The following GPATCH2 variants were observed in gnomAD, a reference collection of about 807,000 sequenced individuals.
GPATCH2 encodes the protein G patch domain-containing protein 2.
GPATCH2 carries 51 observed loss-of-function variants against 58.0 expected under a neutral mutation model. That is an observed-to-expected ratio of 0.88 (90% CI 0.70 to 1.11). The LOEUF (loss-of-function observed/expected upper bound fraction) is 1.11, where lower values mean the gene tolerates loss of function less well. Ranked by LOEUF, GPATCH2 falls within the 50% of genes most tolerant of loss-of-function variation. GPATCH2 has a pLI of 0.00. For synonymous variants in GPATCH2, 222 were observed against 218.5 expected, an observed-to-expected ratio of 1.02 and a Z score of -0.14; for missense variants, 625 against 652.2, an observed-to-expected ratio of 0.96 and a Z score of 0.45.
chr1:217,446,013 G>C (rs1288171083), intron 9 of GPATCH2, among the ~76,000 whole-genome samples: 1 of 151,884 alleles, frequency 6.6e-6, no homozygotes, highest in Non-Finnish European at 1.5e-5. Flanking sequence ...TGGATTTAAA[G>C]TGCCTAATTA....
At chr1:217,499,948 A>G (rs11117876) in intron 6 of GPATCH2, among the ~76,000 whole-genome samples, 96,260 of 151,894 alleles carry the variant, frequency 0.63, 31,295 homozygotes, top group East Asian at 0.92. Context: ...AATAGCTTGT[A>G]ATTCATTGAT....
intron 3 of GPATCH2, 21 bp from the exon 4 acceptor site, chr1:217,611,092 C>T (rs753670527): frequency 5.7e-6 from 9 of 1,589,062 alleles, no homozygotes; most frequent in South Asian, 1.1e-5. Context: ...ACAAGAAACC[C>T]CCCCCCACCA....
At chr1:217,509,458 T>C (rs941815274) in intron 6 of GPATCH2, among the ~76,000 whole-genome samples, 1 of 152,160 alleles carries the variant, frequency 6.6e-6, no homozygotes, top group African/African-American at 2.4e-5. Context: ...CATCATCCAG[T>C]GATGACCAAT....
intron 5 of GPATCH2, among the ~76,000 whole-genome samples, chr1:217,532,906 T>G (rs35157647): frequency 0.34 from 47,017 of 138,526 alleles, 7,696 homozygotes; most frequent in Non-Finnish European, 0.41. Flanking sequence ...TTTTGTTTTT[T>G]TTTTTTTTTT....
At chr1:217,483,325 T>C (rs1051009567) in intron 8 of GPATCH2, among the ~76,000 whole-genome samples, 2 of 152,004 alleles carry the variant, frequency 1.3e-5, no homozygotes, top group Non-Finnish European at 2.9e-5. Context: ...GATGGGACTA[T>C]AGGCATGCGC....
intron 6 of GPATCH2, among the ~76,000 whole-genome samples, chr1:217,503,524 G>C: frequency 6.6e-6 from 1 of 152,106 alleles, no homozygotes; most frequent in East Asian, 1.9e-4. Context: ...CAGGAGAAGA[G>C]AGATCTTTTC....
At chr1:217,595,437 A>G (rs992927631) in intron 5 of GPATCH2, among the ~76,000 whole-genome samples, 3 of 152,126 alleles carry the variant, frequency 2.0e-5, no homozygotes, top group African/African-American at 7.2e-5. Flanking sequence ...GAAAAAGCGT[A>G]TTATTCTGAG....
intron 4 of GPATCH2, 136 bp downstream of exon 4, chr1:217,610,753 T>C: frequency 1.6e-6 from 1 of 611,004 alleles, no homozygotes; most frequent in African/African-American, 1.8e-5. Flanking sequence ...AGTAGCTATA[T>C]TAGTGGCCAA....
At chr1:217,630,087 T>C (rs1413663724) in intron 1 of GPATCH2, among the ~76,000 whole-genome samples, 2 of 152,188 alleles carry the variant, frequency 1.3e-5, no homozygotes, top group Non-Finnish European at 2.9e-5. Flanking sequence ...GGTTGTCTTA[T>C]GTTATGTTTG....
At position 217,449,304 on chromosome 1, in the gene GPATCH2, C is replaced by T. The variant is rs34341444; in HGVS notation, c.1311G>A (p.Thr437=). ...QTSMHLGSLC[T]GDIKRRRKAA... Reference sequence around the variant, plus strand: ...CTTTTCTTCTCCGTTTGATATCTCCCGTGCATAAGGATCCTAAATGCATGC... The same window carrying T: ...CTTTTCTTCTCCGTTTGATATCTCCTGTGCATAAGGATCCTAAATGCATGC... The change falls in exon 9 of 10, where the codon ACG becomes ACA. Residue 437 remains threonine (T), a synonymous_variant. Transcript: ENST00000366935. 484 of 1,608,392 alleles carry T rather than the reference C, an allele frequency of 3.0e-4. No homozygotes were observed. The highest frequency in any genetic ancestry group is 3.8e-4 in the Non-Finnish European group (452 of 1,174,988).
At chr1:217,435,857 C>T (rs1658800943) in intron 9 of GPATCH2, among the ~76,000 whole-genome samples, 2 of 152,098 alleles carry the variant, frequency 1.3e-5, no homozygotes. Context: ...TTAATTATTT[C>T]ATTTACTAAT....
intron 5 of GPATCH2, among the ~76,000 whole-genome samples, chr1:217,570,899 AGTAAACTATGGCTAGCCAAGAGTTTAG>A (rs1273237916): frequency 6.6e-6 from 1 of 152,228 alleles, no homozygotes; most frequent in East Asian, 1.9e-4. Flanking sequence ...CAACAGTGAA[AGTAAACTATGGCTAGCCAAGAGTTTAG>A]TTAGGTGAAA....
At chr1:217,445,070 T>G (rs1193190982) in intron 9 of GPATCH2, among the ~76,000 whole-genome samples, 1 of 152,148 alleles carries the variant, frequency 6.6e-6, no homozygotes, top group Non-Finnish European at 1.5e-5. Context: ...AAAGCTGTAA[T>G]GTAACCTCTT....
chr1:217,546,779 C>A (rs1441285392), intron 5 of GPATCH2, among the ~76,000 whole-genome samples: 1 of 151,946 alleles, frequency 6.6e-6, no homozygotes, highest in Non-Finnish European at 1.5e-5. Flanking sequence ...TCTGTACAGA[C>A]AAAGAAACTA....
chr1:217,609,773 T>G, intron 5 of GPATCH2: 1 of 961,776 alleles, frequency 1.0e-6, no homozygotes, highest in Non-Finnish European at 1.2e-6. Context: ...AAATTAATTC[T>G]TAATCAGTCA....
chr1:217,570,441 G>T (rs189052171), intron 5 of GPATCH2, among the ~76,000 whole-genome samples: 1 of 152,036 alleles, frequency 6.6e-6, no homozygotes, highest in African/African-American at 2.4e-5. Context: ...AGGGATATTC[G>T]TGTTTGTTCC....
Position 217,427,060 on chromosome 1 carries a change from C to T in GPATCH2, c.*4085G>A, listed in dbSNP as rs972390072. 6.6e-6 allele frequency: 1 copy of T among 152,058 alleles called. No homozygotes were observed. Among genetic ancestry groups the T allele is most frequent in the African/African-American group, 2.4e-5 (1 of 41,416 alleles). The allele number at this position is 152,058 out of a possible 1,614,324, so 9.4% of individuals were successfully genotyped here. On this transcript the variant is annotated 3_prime_UTR_variant, in exon 10 of 10. Coordinates refer to ENST00000366935, the MANE Select transcript of GPATCH2 (RefSeq NM_018040.5). ...CTCTTACAGCAAACAAAACTCAACA[C>T]TTCAATGCATATTACAAAACACTTA...
At chr1:217,522,637 T>C (rs1474926233) in intron 5 of GPATCH2, among the ~76,000 whole-genome samples, 1 of 152,194 alleles carries the variant, frequency 6.6e-6, no homozygotes, top group African/African-American at 2.4e-5. Context: ...AAACAAAATG[T>C]ATATAAGATG....
At chr1:217,619,752 T>G in intron 2 of GPATCH2, 31 bp downstream of exon 2, 4 of 865,824 alleles carry the variant, frequency 4.6e-6, no homozygotes, top group Non-Finnish European at 6.9e-6. Flanking sequence ...TGGAGATAAA[T>G]ATTTTTATAT....
Sources: gnomAD v4.1 joint callset for allele counts (sites outside exome capture counted in the v4.1 genomes callset) on GRCh38, gnomAD v4.1.1 for gene constraint, MANE v1.5 for transcripts, NCBI Gene and HGNC (gene_info 2026-07-23, HGNC 2026-07-21) for gene names.